The following DYNC2I1 variants were observed in gnomAD, a reference collection of about 807,000 sequenced individuals.
The protein encoded by DYNC2I1 is cytoplasmic dynein 2 intermediate chain 1.
A neutral mutation model predicts 133.4 loss-of-function variants in DYNC2I1; 89 were observed. That is an observed-to-expected ratio of 0.67 (90% CI 0.56 to 0.80). DYNC2I1 has a LOEUF of 0.80. DYNC2I1 is among the 30% of genes least tolerant of loss of function. The pLI is 0.00. For synonymous variants in DYNC2I1, 504 were observed against 484.3 expected (o/e 1.04, Z -0.54); for missense variants, 1,291 against 1,314.5 (o/e 0.98, Z 0.28).
At chr7:158,944,823 C>T (rs1439308931) in intron 24 of DYNC2I1, among the ~76,000 whole-genome samples, 3 of 152,162 alleles carry the variant, frequency 2.0e-5, no homozygotes, top group East Asian at 1.9e-4. Flanking sequence ...GCAAGAGGCA[C>T]GGGGAGACGG....
At chr7:158,924,493 A>T (rs10281870) in intron 17 of DYNC2I1, among the ~76,000 whole-genome samples, 1 of 152,160 alleles carries the variant, frequency 6.6e-6, no homozygotes, top group Non-Finnish European at 1.5e-5. Flanking sequence ...TACATTGTAC[A>T]TAAGAGGGCC....
chr7:158,867,264 C>T (rs192837033), intron 1 of DYNC2I1, among the ~76,000 whole-genome samples: 4 of 151,872 alleles, frequency 2.6e-5, no homozygotes, highest in Admixed American at 1.3e-4. Flanking sequence ...CGTGGTGATA[C>T]GCGGTTAGGT....
chr7:158,884,824 A>G (rs1261534290), intron 6 of DYNC2I1, among the ~76,000 whole-genome samples: 4 of 152,116 alleles, frequency 2.6e-5, no homozygotes, highest in Non-Finnish European at 5.9e-5. Flanking sequence ...AACTTAATAT[A>G]TTATTAGCTT....
At chr7:158,954,988 C>T (rs1209609087) in intron 4 of DYNC2I1, among the ~76,000 whole-genome samples, 2 of 151,380 alleles carry the variant, frequency 1.3e-5, no homozygotes, top group African/African-American at 2.4e-5. Context: ...AGAGAAAGTG[C>T]CCATTCTAGT....
At position 158,891,275 on chromosome 7, in the gene DYNC2I1, A is replaced by T; in HGVS notation, c.1001A>T (p.Glu334Val). ...TTCTCTCTCCATTAGCATGGCCACG[A>T]GGAAGGCTCTTCTGTGTGGTGGAAG... Reference protein sequence around the residue: ...DKDSRRKHGHEEGSSVWWKLD... With the variant: ...DKDSRRKHGHVEGSSVWWKLD... The change falls in exon 8 of 25, where the codon GAG (glutamate) becomes GTG (valine). Residue 334 changes from glutamate (E) to valine (V), a missense_variant. Physicochemically the swap from Glu to Val is moderately radical, Grantham distance 121. Coordinates refer to ENST00000407559, the MANE Select transcript of DYNC2I1 (RefSeq NM_018051.5). The T allele has an allele frequency of 1.2e-6, 2 of 1,614,020 alleles. No individual in the cohort carries two copies. The highest frequency in any genetic ancestry group is 2.2e-5 in the East Asian group (1 of 44,880).
chr7:158,947,249 G>C (rs1202503402), downstream of DYNC2I1, among the ~76,000 whole-genome samples: 1 of 152,198 alleles, frequency 6.6e-6, no homozygotes, highest in Admixed American at 6.5e-5. Flanking sequence ...CAGGTTCACA[G>C]TTGCGTGGAA....
intron 4 of DYNC2I1, among the ~76,000 whole-genome samples, chr7:158,877,237 C>T (rs1843443185): frequency 6.7e-6 from 1 of 148,786 alleles, no homozygotes; most frequent in African/African-American, 2.5e-5. Flanking sequence ...ACCTGCGGTT[C>T]CGGATTGGTG....
At position 158,866,454 on chromosome 7, in the gene DYNC2I1, TGGTCTCCTG is replaced by T. The variant is rs1420973500; in HGVS notation, c.16-3390_16-3382del. The stretch of plus-strand genomic sequence containing the variant: ...TGGGCGTCCCCTCTCTGTGGTACCC[TGGTCTCCTG>T]GGTCTCCTGGTTGGACTGTCCCCGA... On this transcript the variant is annotated intron_variant, in intron 1 of 24. Transcript: ENST00000407559. Among the ~76,000 whole-genome samples the T allele has an allele frequency of 5.9e-5, 9 of 151,690 alleles. No homozygotes were observed. In the South Asian group the frequency reaches 1.3e-3, roughly 21 times the overall value.
intron 10 of DYNC2I1, chr7:158,904,746 C>G (rs1379603642): frequency 6.2e-6 from 1 of 160,070 alleles, no homozygotes; most frequent in East Asian, 1.8e-4. Context: ...AACTGAGATG[C>G]AGAGATGAGG....
At chr7:158,895,245 T>C (rs1297532049) in intron 8 of DYNC2I1, among the ~76,000 whole-genome samples, 1 of 152,234 alleles carries the variant, frequency 6.6e-6, no homozygotes, top group Non-Finnish European at 1.5e-5. Flanking sequence ...TCTAGATTTG[T>C]CCTGTGCTAT....
chr7:158,943,957 G>A (rs993332140), intron 24 of DYNC2I1, among the ~76,000 whole-genome samples: 6 of 152,198 alleles, frequency 3.9e-5, no homozygotes, highest in Non-Finnish European at 8.8e-5. Flanking sequence ...AAAAGGCTCT[G>A]GAAGGAGGTG....
intron 7 of DYNC2I1, among the ~76,000 whole-genome samples, chr7:158,888,886 T>TTGG (rs1388223908): frequency 6.6e-6 from 1 of 152,214 alleles, no homozygotes; most frequent in African/African-American, 2.4e-5. Flanking sequence ...TTCTTTAATT[T>TTGG]TGGTGGTGGT....
rs28410687 is a variant in DYNC2I1, at chr7:158,863,869, G to C, written c.16-5986G>C. On this transcript the variant is annotated intron_variant, in intron 1 of 24. Transcript: ENST00000407559. ...CTCCGGGTGTTGGAGGGTGTTGGAG[G>C]GGGGAGCGGGACGTCCTTAGCTCCG... 3.6e-4 allele frequency among the ~76,000 whole-genome samples: 46 copies of C among 127,726 alleles called. 1 individual carries two copies. Among genetic ancestry groups the C allele is most frequent in the Non-Finnish European group, 1.8e-4 (11 of 61,122 alleles). 83.8% of individuals were successfully genotyped at this position (127,726 alleles called of 152,430 possible).
upstream of DYNC2I1, among the ~76,000 whole-genome samples, chr7:158,853,891 G>A (rs1347467832): frequency 6.6e-6 from 1 of 152,132 alleles, no homozygotes; most frequent in Non-Finnish European, 1.5e-5. Context: ...GACCTCAGGT[G>A]ATCTGCCTGC....
At chr7:158,888,594 T>A (rs1844855196) in intron 7 of DYNC2I1, among the ~76,000 whole-genome samples, 1 of 151,892 alleles carries the variant, frequency 6.6e-6, no homozygotes, top group Non-Finnish European at 1.5e-5. Flanking sequence ...CTCAGCCTCC[T>A]GAATAGCTGG....
chr7:158,855,108 G>T (rs945743795), upstream of DYNC2I1, among the ~76,000 whole-genome samples: 1 of 152,234 alleles, frequency 6.6e-6, no homozygotes, highest in African/African-American at 2.4e-5. Context: ...TGGGGGAATT[G>T]CAATAGAGAA....
chr7:158,918,953 T>G (rs540023140), intron 15 of DYNC2I1, 84 bp downstream of exon 15: 1 of 1,072,118 alleles, frequency 9.3e-7, no homozygotes. Context: ...TAATATTTTA[T>G]TTTAATGTGA....
chr7:158,914,934 A>G (rs557462301), intron 14 of DYNC2I1, among the ~76,000 whole-genome samples: 2 of 152,384 alleles, frequency 1.3e-5, no homozygotes, highest in East Asian at 3.9e-4. Context: ...CTTATAATGC[A>G]GTCAGATATG....
At chr7:158,839,778 A>G in the DYNC2I1 span, among the ~76,000 whole-genome samples, 1 of 151,732 alleles carries the variant, frequency 6.6e-6, no homozygotes, top group Non-Finnish European at 1.5e-5. Flanking sequence ...CAAGATAGTG[A>G]TACTGCACTC....
Sources: gnomAD v4.1 joint callset for allele counts (sites outside exome capture counted in the v4.1 genomes callset) on GRCh38, gnomAD v4.1.1 for gene constraint, MANE v1.5 for transcripts, NCBI Gene and HGNC (gene_info 2026-07-23, HGNC 2026-07-21) for gene names.